RB1CC1: variants seen among roughly 807,000 people sequenced by gnomAD.
RB1CC1 encodes RB1 inducible coiled-coil 1.
In RB1CC1, 46 loss-of-function variants were observed where a neutral mutation model predicts 177.5. The ratio of observed to expected loss-of-function variants is 0.26; its 90% CI spans 0.20 to 0.33. The LOEUF is 0.33. Ranked by LOEUF, RB1CC1 falls within the 10% of genes least tolerant of loss-of-function variation. The pLI, the probability that RB1CC1 is intolerant of heterozygous loss-of-function variation, is 1.00. For synonymous variants in RB1CC1, 666 were observed against 613.6 expected, an observed-to-expected ratio of 1.09 and a Z score of -1.26; for missense variants, 1,703 against 1,816.3, an observed-to-expected ratio of 0.94 and a Z score of 1.13.
chr8:52,710,730 A>ATAT (rs1425035369), intron 1 of RB1CC1, among the ~76,000 whole-genome samples: 3 of 152,176 alleles, frequency 2.0e-5, no homozygotes, highest in Admixed American at 6.5e-5. Flanking sequence ...CAAATATAGA[A>ATAT]TTATATAAGA....
chr8:52,641,916 G>A (rs936937952), intron 18 of RB1CC1, among the ~76,000 whole-genome samples: 6 of 152,010 alleles, frequency 3.9e-5, no homozygotes, highest in East Asian at 1.9e-4. Flanking sequence ...GCTCTGCCAC[G>A]ATTTCAATGT....
rs1852048058 is a variant in RB1CC1 at position 52,666,155 on chromosome 8, CTTTGA to C, written c.1173+1861_1173+1865del. Among the ~76,000 whole-genome samples, 3 of 151,938 alleles carry C rather than the reference CTTTGA, an allele frequency of 2.0e-5. No homozygotes were observed. The Middle Eastern group carries it at 0.01, about 517-fold the overall frequency. ...CGTTATCCTAGGCCTCACAATATTT[CTTTGA>C]TTTTTCTTATTAAAAAAAAAATCAG... is the stretch of plus-strand genomic sequence containing the variant. On this transcript the variant is annotated intron_variant, in intron 8 of 23. Coordinates refer to ENST00000025008, the MANE Select transcript of RB1CC1 (RefSeq NM_014781.5).
chr8:52,632,755 A>C (rs1848858474), intron 20 of RB1CC1, among the ~76,000 whole-genome samples: 1 of 152,166 alleles, frequency 6.6e-6, no homozygotes, highest in Non-Finnish European at 1.5e-5. Context: ...ACATCAAGCA[A>C]ACCTGCCTCC....
chr8:52,624,147 G>A (rs1848225202), intron 23 of RB1CC1, among the ~76,000 whole-genome samples: 1 of 151,760 alleles, frequency 6.6e-6, no homozygotes, highest in Non-Finnish European at 1.5e-5. Flanking sequence ...TACAAAGTGG[G>A]CCATACATCA....
rs1189214512 is a variant in RB1CC1 at position 52,623,806 on chromosome 8, G to C, written c.4761C>G (p.Ala1587=). Residue 1587 remains alanine, a synonymous_variant, in exon 24 of 24, where the codon GCC becomes GCG. Transcript: ENST00000025008. Reference sequence around the variant, plus strand: ...GTTATACTTTCTTATTCCATGATACGGCTTTCACTCTGTAAAACTTTGTCC... The same window carrying C: ...GTTATACTTTCTTATTCCATGATACCGCTTTCACTCTGTAAAACTTTGTCC... ...PLGTKFYRVK[A]VSWNKKV 2 of 1,607,344 alleles carry C rather than the reference G, an allele frequency of 1.2e-6. No homozygotes were observed. Among genetic ancestry groups the C allele is most frequent in the East Asian group, 4.5e-5 (2 of 44,804 alleles).
intron 20 of RB1CC1, among the ~76,000 whole-genome samples, chr8:52,634,549 T>G (rs1848990450): frequency 6.6e-6 from 1 of 152,116 alleles, no homozygotes. Flanking sequence ...AGATACAATG[T>G]ATTAAAATTA....
rs753265936 is a variant in RB1CC1 at position 52,674,203 on chromosome 8, T to G, written c.644A>C (p.Glu215Ala). The change falls in exon 7 of 24, where the codon GAA becomes GCA. Residue 215 changes from glutamate (E) to alanine (A), a missense_variant. Physicochemically the swap from Glu to Ala is moderately radical, Grantham distance 107. Transcript: ENST00000025008. ...LECLTRHSYR[E>A]CLGRLDSLPE... ...TAAAGAATCCAGTCTTCCCAAACAT[T>G]CTCTGTAACTATGTCTGGTTAGGCA... is the stretch of plus-strand genomic sequence containing the variant. The G allele has an allele frequency of 2.5e-6, 4 of 1,612,506 alleles. No homozygotes were observed. Among genetic ancestry groups the G allele is most frequent in the Non-Finnish European group, 3.4e-6 (4 of 1,178,512 alleles).
At chr8:52,679,905 A>C (rs898950212) in intron 5 of RB1CC1, among the ~76,000 whole-genome samples, 1 of 152,140 alleles carries the variant, frequency 6.6e-6, no homozygotes, top group East Asian at 1.9e-4. Context: ...AAAGCCCTAG[A>C]ACTGCTAAAT....
intron 6 of RB1CC1, among the ~76,000 whole-genome samples, 182 bp downstream of exon 6, chr8:52,676,187 G>T (rs1853110212): frequency 6.6e-6 from 1 of 152,072 alleles, no homozygotes; most frequent in Non-Finnish European, 1.5e-5. Context: ...CATGTAAAGA[G>T]AATTATCATT....
intron 5 of RB1CC1, among the ~76,000 whole-genome samples, chr8:52,680,994 GT>G (rs1554548481): frequency 2.3e-4 from 29 of 128,622 alleles, no homozygotes; most frequent in African/African-American, 4.4e-4. Flanking sequence ...GTGTGTGTGT[GT>G]TTTTTTTTTT....
At chr8:52,705,371 T>C (rs1489539450) in intron 1 of RB1CC1, among the ~76,000 whole-genome samples, 1 of 152,196 alleles carries the variant, frequency 6.6e-6, no homozygotes, top group African/African-American at 2.4e-5. Context: ...GAGGTACATA[T>C]TCACTAATGA....
At chr8:52,704,485 T>C (rs1049453391) in intron 1 of RB1CC1, among the ~76,000 whole-genome samples, 1 of 140,400 alleles carries the variant, frequency 7.1e-6, no homozygotes, top group South Asian at 2.2e-4. Context: ...CACAAAAGTA[T>C]ATGTAAAATC....
At chr8:52,705,205 T>A (rs1173129978) in intron 1 of RB1CC1, among the ~76,000 whole-genome samples, 1 of 152,198 alleles carries the variant, frequency 6.6e-6, no homozygotes, top group Non-Finnish European at 1.5e-5. Flanking sequence ...TGCATGAAAC[T>A]GAACAGATCC....
chr8:52,625,789 T>C (rs1400339053), intron 22 of RB1CC1, among the ~76,000 whole-genome samples: 1 of 152,208 alleles, frequency 6.6e-6, no homozygotes, highest in Non-Finnish European at 1.5e-5. Context: ...AGGGTTTCTA[T>C]GAATGTGTAT....
intron 7 of RB1CC1, among the ~76,000 whole-genome samples, chr8:52,670,492 C>T (rs185226322): frequency 6.6e-6 from 1 of 152,270 alleles, no homozygotes; most frequent in East Asian, 1.9e-4. Flanking sequence ...TATTCTTAAG[C>T]CTCTGACCTT....
chr8:52,636,477 T>C (rs1029543158), intron 18 of RB1CC1, among the ~76,000 whole-genome samples: 12 of 152,160 alleles, frequency 7.9e-5, no homozygotes, highest in African/African-American at 2.9e-4. Flanking sequence ...ATTTGCCCAA[T>C]ACACTAAAAC....
chr8:52,661,790 GA>G, intron 8 of RB1CC1, 71 bp from the exon 9 acceptor site: 1 of 1,194,530 alleles, frequency 8.4e-7, no homozygotes, highest in East Asian at 2.7e-5. Context: ...CAGTTAAGTG[GA>G]AAATCTTTAT....
At chr8:52,626,550 G>A (rs1444548214) in intron 22 of RB1CC1, among the ~76,000 whole-genome samples, 1 of 152,074 alleles carries the variant, frequency 6.6e-6, no homozygotes, top group Non-Finnish European at 1.5e-5. Context: ...TCTGGGTAAA[G>A]AAATATAGGT....
intron 20 of RB1CC1, among the ~76,000 whole-genome samples, chr8:52,632,537 GT>G (rs1848840234): frequency 6.6e-6 from 1 of 152,064 alleles, no homozygotes; most frequent in African/African-American, 2.4e-5. Context: ...AAAAGCTTAA[GT>G]TTTTTATATA....
Sources: gnomAD v4.1 joint callset for allele counts (sites outside exome capture counted in the v4.1 genomes callset) on GRCh38, gnomAD v4.1.1 for gene constraint, MANE v1.5 for transcripts, NCBI Gene and HGNC (gene_info 2026-07-23, HGNC 2026-07-21) for gene names.